Variants in ATP6V1H observed in about 807,000 individuals in gnomAD.
ATP6V1H encodes ATPase H+ transporting V1 subunit H, also known as V-type proton ATPase subunit H.
Under a neutral mutation model 71.7 loss-of-function variants are expected in ATP6V1H, and 39 were observed. That is an observed-to-expected ratio of 0.54 (90% CI 0.42 to 0.71). The LOEUF (loss-of-function observed/expected upper bound fraction) is 0.71, where lower values mean the gene tolerates loss of function less well. Ranked by LOEUF, ATP6V1H falls within the 30% of genes least tolerant of loss-of-function variation. The pLI is 0.00. For synonymous variants in ATP6V1H, 192 were observed against 199.3 expected, an observed-to-expected ratio of 0.96 and a Z score of 0.31; for missense variants, 509 against 594.9, an observed-to-expected ratio of 0.86 and a Z score of 1.50.
At chr8:53,743,493 A>T (rs1395796207) in intron 13 of ATP6V1H, 84 bp downstream of exon 13, 4 of 939,788 alleles carry the variant, frequency 4.3e-6, no homozygotes, top group Non-Finnish European at 6.7e-6. Context: ...ATGATCATTC[A>T]AAGCATTTGC....
intron 11 of ATP6V1H, among the ~76,000 whole-genome samples, chr8:53,768,322 T>C (rs1430394305): frequency 6.6e-6 from 1 of 152,170 alleles, no homozygotes; most frequent in Admixed American, 6.5e-5. Context: ...AGAACCCTCA[T>C]TCACTGTTGG....
At chr8:53,840,754 A>T (rs951105086) in intron 2 of ATP6V1H, among the ~76,000 whole-genome samples, 4 of 152,198 alleles carry the variant, frequency 2.6e-5, no homozygotes, top group African/African-American at 7.2e-5. Flanking sequence ...TAAAATTAAC[A>T]CTAATATAAA....
At chr8:53,778,518 C>A (rs953139965) in intron 9 of ATP6V1H, among the ~76,000 whole-genome samples, 1 of 152,068 alleles carries the variant, frequency 6.6e-6, no homozygotes. Context: ...CTCTGACAAC[C>A]GAAGACTATT....
intron 9 of ATP6V1H, among the ~76,000 whole-genome samples, chr8:53,785,570 G>A (rs555237994): frequency 1.9e-4 from 29 of 152,244 alleles, no homozygotes; most frequent in Middle Eastern, 3.4e-3. Flanking sequence ...GCTTTGTTCC[G>A]TTGCTGGTGA....
At chr8:53,801,491 T>G (rs927798956) in intron 8 of ATP6V1H, among the ~76,000 whole-genome samples, 3 of 152,218 alleles carry the variant, frequency 2.0e-5, no homozygotes, top group Non-Finnish European at 4.4e-5. Flanking sequence ...TAAGAACTTT[T>G]CTTGTTGATT....
At chr8:53,791,737 TG>T in intron 9 of ATP6V1H, among the ~76,000 whole-genome samples, 1 of 152,338 alleles carries the variant, frequency 6.6e-6, no homozygotes, top group Non-Finnish European at 1.5e-5. Flanking sequence ...ACCCCTCCTC[TG>T]GCTGTCCGCC....
intron 8 of ATP6V1H, among the ~76,000 whole-genome samples, chr8:53,797,239 G>A (rs1358132991): frequency 6.6e-6 from 1 of 152,184 alleles, no homozygotes; most frequent in African/African-American, 2.4e-5. Flanking sequence ...AAGAACAGGA[G>A]CTAGAGGCTG....
At chr8:53,775,648 T>C (rs946563981) in intron 9 of ATP6V1H, among the ~76,000 whole-genome samples, 2 of 149,064 alleles carry the variant, frequency 1.3e-5, no homozygotes, top group African/African-American at 5.0e-5. Flanking sequence ...GATTGGTGTG[T>C]TTACAAACCT....
chr8:53,779,915 T>C (rs928272326), intron 9 of ATP6V1H, among the ~76,000 whole-genome samples: 6 of 152,240 alleles, frequency 3.9e-5, no homozygotes, highest in African/African-American at 1.4e-4. Context: ...TTCCAGCACT[T>C]TGGGAGGCCA....
chr8:53,726,109 A>G (rs1423136902), intron 13 of ATP6V1H, among the ~76,000 whole-genome samples: 1 of 152,234 alleles, frequency 6.6e-6, no homozygotes, highest in Non-Finnish European at 1.5e-5. Context: ...ATTCTTTGAA[A>G]AAGTTGTTAC....
At chr8:53,771,861 ATTAACG>A (rs1197707514) in intron 10 of ATP6V1H, 122 bp downstream of exon 10, 106 of 766,358 alleles carry the variant, frequency 1.4e-4, no homozygotes, top group Non-Finnish European at 2.2e-4. Flanking sequence ...CTCAGGAGAC[ATTAACG>A]TATTTTAGTG....
intron 13 of ATP6V1H, among the ~76,000 whole-genome samples, chr8:53,730,020 C>CA (rs1387705244): frequency 6.6e-6 from 1 of 152,206 alleles, no homozygotes; most frequent in Non-Finnish European, 1.5e-5. Context: ...TGACACAGCT[C>CA]AGCCTATGCC....
chr8:53,773,240 ATCC>A (rs1808739948), intron 9 of ATP6V1H, among the ~76,000 whole-genome samples: 1 of 152,240 alleles, frequency 6.6e-6, no homozygotes, highest in African/African-American at 2.4e-5. Flanking sequence ...ATTACTTGCA[ATCC>A]TCCTTATTAT....
intron 1 of ATP6V1H, chr8:53,842,612 C>G (rs1811379207): frequency 6.6e-6 from 1 of 152,210 alleles, no homozygotes; most frequent in Admixed American, 6.5e-5. Context: ...CGACAGGGCC[C>G]AGGAAAAAAC....
chr8:53,717,055 A>G (rs553728797), intron 13 of ATP6V1H, among the ~76,000 whole-genome samples: 5 of 152,296 alleles, frequency 3.3e-5, no homozygotes, highest in Admixed American at 6.5e-5. Context: ...CATCAGGTAC[A>G]CTGTCAATAC....
At chr8:53,789,409 A>C (rs1462385434) in intron 9 of ATP6V1H, among the ~76,000 whole-genome samples, 1 of 152,138 alleles carries the variant, frequency 6.6e-6, no homozygotes, top group Non-Finnish European at 1.5e-5. Context: ...ACGGTGGCTC[A>C]CACCTGTAAT....
chr8:53,798,282 T>C (rs1425322619), intron 8 of ATP6V1H, among the ~76,000 whole-genome samples: 2 of 152,058 alleles, frequency 1.3e-5, no homozygotes, highest in Middle Eastern at 3.2e-3. Context: ...TCCCAGCACT[T>C]TGGGAGGCCG....
At chr8:53,735,632 A>C (rs1807177477) in intron 13 of ATP6V1H, among the ~76,000 whole-genome samples, 2 of 152,170 alleles carry the variant, frequency 1.3e-5, no homozygotes, top group African/African-American at 4.8e-5. Context: ...AATTAAAAGT[A>C]ACCTCCAGGA....
intron 9 of ATP6V1H, among the ~76,000 whole-genome samples, chr8:53,784,366 C>T (rs1284559658): frequency 6.6e-6 from 1 of 152,064 alleles, no homozygotes; most frequent in African/African-American, 2.4e-5. Context: ...CAACCCCTGC[C>T]TTTTTTTGTT....
Sources: allele counts gnomAD v4.1 joint callset (sites outside exome capture counted in the v4.1 genomes callset), GRCh38; gene constraint gnomAD v4.1.1; transcripts MANE v1.5; gene names NCBI Gene and HGNC (gene_info 2026-07-23, HGNC 2026-07-21).